Variants in GNA12 observed in about 807,000 individuals in gnomAD.
GNA12 encodes the protein guanine nucleotide-binding protein subunit alpha-12.
GNA12 carries 9 observed loss-of-function variants against 26.0 expected under a neutral mutation model. The ratio of observed to expected loss-of-function variants is 0.35; its 90% confidence interval spans 0.21 to 0.60. The LOEUF (loss-of-function observed/expected upper bound fraction) is 0.60, where lower values mean the gene tolerates loss of function less well. Among genes scored for constraint, GNA12 ranks in the 20% least tolerant of loss-of-function variants. The pLI is 0.78. For missense variants in GNA12, 405 were observed against 525.8 expected, an observed-to-expected ratio of 0.77 and a Z score of 2.25; for synonymous variants, 264 against 219.6, an observed-to-expected ratio of 1.20 and a Z score of -1.79.
Position 2,780,051 on chromosome 7 carries a change from CATATATATATATATATATATATATAT to C in GNA12, c.525+14851_525+14876del, listed in dbSNP as rs3996399. On this transcript the variant is annotated intron_variant, in intron 2 of 3. Coordinates refer to ENST00000275364, the MANE Select transcript of GNA12 (RefSeq NM_007353.3). ...CTAGTTTTTTACACATTTCTGTGTA[CATATATATATATATATATATATATAT>C]ATATATATATATATATGCCTGTTTT... 7.0e-3 allele frequency among the ~76,000 whole-genome samples: 435 copies of C among 62,218 alleles called. 17 individuals carry two copies. Among genetic ancestry groups the C allele is most frequent in the African/African-American group, 0.023 (397 of 17,460 alleles). 40.8% of individuals were successfully genotyped at this position (62,218 alleles called of 152,430 possible). A position where few individuals can be genotyped will look rare whatever the true frequency, so the allele number is the denominator to read the frequency against.
chr7:2,757,803 G>A (rs897374402), intron 2 of GNA12, among the ~76,000 whole-genome samples: 1 of 152,182 alleles, frequency 6.6e-6, no homozygotes, highest in South Asian at 2.1e-4. Flanking sequence ...CACTTAGTAC[G>A]TACTGAACGC....
At chr7:2,737,269 G>GT (rs1317020597) in intron 2 of GNA12, among the ~76,000 whole-genome samples, 434 of 38,068 alleles carry the variant, frequency 0.011, 23 homozygotes, top group South Asian at 0.016. Context: ...TCACAGTTTT[G>GT]TTTTGTTTTT....
At chr7:2,791,909 A>T (rs964960373) in intron 2 of GNA12, among the ~76,000 whole-genome samples, 1 of 152,220 alleles carries the variant, frequency 6.6e-6, no homozygotes, top group Non-Finnish European at 1.5e-5. Context: ...GTATAGGAAT[A>T]ACAGTCATGC....
chr7:2,759,200 A>T (rs568147821), intron 2 of GNA12, among the ~76,000 whole-genome samples: 6 of 151,570 alleles, frequency 4.0e-5, no homozygotes, highest in Non-Finnish European at 8.8e-5. Context: ...AAATAAAAAT[A>T]AAAACCCCAT....
intron 2 of GNA12, among the ~76,000 whole-genome samples, chr7:2,769,495 C>T (rs530479765): frequency 6.6e-6 from 1 of 151,880 alleles, no homozygotes; most frequent in East Asian, 2.0e-4. Flanking sequence ...CTTTGGGAGG[C>T]CGAGGTCGGC....
intron 1 of GNA12, among the ~76,000 whole-genome samples, chr7:2,830,582 A>C (rs139740311): frequency 7.2e-5 from 11 of 152,338 alleles, no homozygotes; most frequent in Middle Eastern, 3.4e-3. Flanking sequence ...TCCACCAGTC[A>C]AGCAAGTCAC....
intron 3 of GNA12, among the ~76,000 whole-genome samples, chr7:2,732,682 A>G (rs2115285497): frequency 6.6e-6 from 1 of 152,296 alleles, no homozygotes; most frequent in South Asian, 2.1e-4. Flanking sequence ...TCTGACTACC[A>G]CCCACGGGGT....
chr7:2,753,015 C>T (rs1029911901), intron 2 of GNA12, among the ~76,000 whole-genome samples: 1 of 152,212 alleles, frequency 6.6e-6, no homozygotes, highest in Non-Finnish European at 1.5e-5. Flanking sequence ...AGCCATCCTC[C>T]TTCTTCCACC....
Position 2,840,355 on chromosome 7 carries a change from T to C in GNA12, c.309+3498A>G, listed in dbSNP as rs78131162. 6.3e-3 allele frequency among the ~76,000 whole-genome samples: 963 copies of C among 152,334 alleles called. 6 individuals are homozygous for C. The highest frequency in any genetic ancestry group is 9.4e-3 in the Non-Finnish European group (637 of 68,024). ...AGATTTTAATGTCTCTATCCTCAAT[T>C]TCCTCATTCACTAAATGAGGTAATA... On this transcript the variant is annotated intron_variant, in intron 1 of 3. Coordinates refer to ENST00000275364, the MANE Select transcript of GNA12 (RefSeq NM_007353.3).
chr7:2,741,724 T>A (rs1790515117), intron 2 of GNA12, among the ~76,000 whole-genome samples: 1 of 152,032 alleles, frequency 6.6e-6, no homozygotes, highest in Non-Finnish European at 1.5e-5. Flanking sequence ...CGTCATCATT[T>A]GAGAGCAAGT....
chr7:2,736,036 C>T (rs1183571968), intron 2 of GNA12, among the ~76,000 whole-genome samples: 1 of 152,174 alleles, frequency 6.6e-6, no homozygotes, highest in Non-Finnish European at 1.5e-5. Flanking sequence ...GGGCACGCAG[C>T]CCACGGGACG....
At chr7:2,769,500 G>A (rs1791894643) in intron 2 of GNA12, among the ~76,000 whole-genome samples, 1 of 151,924 alleles carries the variant, frequency 6.6e-6, no homozygotes, top group Admixed American at 6.6e-5. Context: ...GGAGGCCGAG[G>A]TCGGCGGATC....
At chr7:2,835,577 TG>T in intron 1 of GNA12, 1 of 550,760 alleles carries the variant, frequency 1.8e-6, no homozygotes, top group Non-Finnish European at 3.4e-6. Context: ...AGAGCGCGCT[TG>T]GGGGCAAAGT....
chr7:2,735,363 C>T (rs543499442), intron 2 of GNA12, among the ~76,000 whole-genome samples: 1 of 152,332 alleles, frequency 6.6e-6, no homozygotes, highest in African/African-American at 2.4e-5. Context: ...GGCAGTTCTC[C>T]TGCAGGGTTC....
intron 1 of GNA12, among the ~76,000 whole-genome samples, chr7:2,796,487 T>C (rs1792682289): frequency 6.6e-6 from 1 of 152,110 alleles, no homozygotes; most frequent in African/African-American, 2.4e-5. Context: ...CACTGAAATC[T>C]GGCAGCTCCT....
intron 2 of GNA12, among the ~76,000 whole-genome samples, chr7:2,772,309 C>T (rs1791968666): frequency 1.3e-5 from 2 of 152,144 alleles, no homozygotes; most frequent in South Asian, 4.1e-4. Context: ...CGCCTGTAAT[C>T]CCAGCACTTG....
chr7:2,751,258 T>C (rs1046839671), intron 2 of GNA12, among the ~76,000 whole-genome samples: 12 of 151,984 alleles, frequency 7.9e-5, no homozygotes, highest in Admixed American at 6.6e-4. Context: ...TGTTGGCACA[T>C]GCTTGTAGTC....
intron 1 of GNA12, among the ~76,000 whole-genome samples, chr7:2,818,725 T>G (rs1793272292): frequency 7.1e-6 from 1 of 141,356 alleles, no homozygotes; most frequent in African/African-American, 2.7e-5. Context: ...ATCGCGCCAC[T>G]ACACTCCAGC....
At chr7:2,767,687 C>T (rs1422335594) in intron 2 of GNA12, among the ~76,000 whole-genome samples, 2 of 152,158 alleles carry the variant, frequency 1.3e-5, no homozygotes, top group Non-Finnish European at 2.9e-5. Flanking sequence ...AACCTTTAAA[C>T]CCTTAGCACC....
Sources: allele counts gnomAD v4.1 joint callset (sites outside exome capture counted in the v4.1 genomes callset), GRCh38; gene constraint gnomAD v4.1.1; transcripts MANE v1.5; gene names NCBI Gene and HGNC (gene_info 2026-07-23, HGNC 2026-07-21).